The following SMCHD1 variants were observed in gnomAD, a reference collection of about 807,000 sequenced individuals.
The protein encoded by SMCHD1 is structural maintenance of chromosomes flexible hinge domain containing 1.
Under a neutral mutation model 254.7 loss-of-function variants are expected in SMCHD1, and 78 were observed. That is an observed-to-expected ratio of 0.31 (90% confidence interval 0.26 to 0.37). The LOEUF is 0.37. Among genes scored for constraint, SMCHD1 ranks in the 10% least tolerant of loss-of-function variants. The probability of loss-of-function intolerance (pLI) is 1.00; values close to 1 mark genes in which losing one functional copy is unlikely to be tolerated. For synonymous variants in SMCHD1, 766 were observed against 794.9 expected, an observed-to-expected ratio of 0.96 and a Z score of 0.61; for missense variants, 1,840 against 2,408.1, an observed-to-expected ratio of 0.76 and a Z score of 4.94.
Position 2,796,085 on chromosome 18 carries a change from C to G in SMCHD1, c.5856C>G (p.Leu1952=). 2 of 1,568,732 alleles carry G rather than the reference C, an allele frequency of 1.3e-6. No homozygotes were observed. Among genetic ancestry groups the G allele is most frequent in the Non-Finnish European group, 1.7e-6 (2 of 1,157,948 alleles). The change falls in exon 46 of 48, where the codon CTC becomes CTG. Residue 1952 remains leucine (L), a synonymous_variant. Coordinates refer to ENST00000320876, the MANE Select transcript of SMCHD1 (RefSeq NM_015295.3). The part of the protein sequence containing the change: ...KQELDEHEKN[L]KLIEEKLGMT... Reference sequence around the variant, plus strand: ...AACTTGATGAACATGAGAAAAATCTCAAACTAATAGAGGAAAAACTAGGTA... The same window carrying G: ...AACTTGATGAACATGAGAAAAATCTGAAACTAATAGAGGAAAAACTAGGTA...
intron 41 of SMCHD1, among the ~76,000 whole-genome samples, chr18:2,774,948 C>T (rs62077705): frequency 0.19 from 29,506 of 152,058 alleles, 3,098 homozygotes; most frequent in Admixed American, 0.26. Flanking sequence ...ACTGTTGGCA[C>T]ATTACCTGTC....
At position 2,718,580 on chromosome 18, in the gene SMCHD1, G is replaced by A; in HGVS notation, c.2458+146G>A. ...TTATTTTCTTACTTACTTTGAGATG[G>A]GGTCTCATTCTGTCACCCAGGCTGG... On this transcript the variant is annotated intron_variant, in intron 19 of 47. Coordinates refer to ENST00000320876, the MANE Select transcript of SMCHD1 (RefSeq NM_015295.3). This position sits in a 1 kb window ranked among gnomAD's most constrained non-coding sequence, Gnocchi z 4.6. 1.4e-6 allele frequency: 1 copy of A among 703,090 alleles called. No homozygotes were observed. Among genetic ancestry groups the A allele is most frequent in the Non-Finnish European group, 2.2e-6 (1 of 462,774 alleles). The allele number at this position is 703,090 out of a possible 1,614,324, so 43.6% of individuals were successfully genotyped here. A position where few individuals can be genotyped will look rare whatever the true frequency, so the allele number is the denominator to read the frequency against.
chr18:2,747,565 T>C lies in SMCHD1; in HGVS notation c.3845T>C (p.Ile1282Thr). ...GGAAGAGATTTACAGAACCCTATTA[T>C]TGTTCAACTTTGTGATCAGTGGGAT... is the stretch of plus-strand genomic sequence containing the variant. Reference protein sequence around the residue: ...INGRDLQNPIIVQLCDQWDNP... With the variant: ...INGRDLQNPITVQLCDQWDNP... The change falls in exon 30 of 48, where the codon ATT becomes ACT. Residue 1282 changes from isoleucine (I) to threonine (T), a missense_variant. Physicochemically the swap from Ile to Thr is moderately conservative, Grantham distance 89. Transcript: ENST00000320876. 6.2e-7 allele frequency: 1 copy of C among 1,608,584 alleles called. No homozygotes were observed. Among genetic ancestry groups the C allele is most frequent in the Non-Finnish European group, 8.5e-7 (1 of 1,175,594 alleles).
chr18:2,678,478 G>A (rs1410193618), intron 5 of SMCHD1, among the ~76,000 whole-genome samples: 6 of 151,682 alleles, frequency 4.0e-5, no homozygotes, highest in East Asian at 1.9e-4. Flanking sequence ...CACTACTCCC[G>A]GCTTATTTTT....
At chr18:2,763,991 T>C (rs1598418691) in intron 37 of SMCHD1, 2 of 479,102 alleles carry the variant, frequency 4.2e-6, no homozygotes, top group Non-Finnish European at 7.2e-6. Context: ...GTTTTTCCTA[T>C]GGGATAACAG....
intron 44 of SMCHD1, chr18:2,778,888 A>C (rs925788225): frequency 6.6e-6 from 1 of 152,262 alleles, no homozygotes; most frequent in Non-Finnish European, 1.5e-5. Context: ...TCTCCAAATA[A>C]TGTCACATTC....
intron 42 of SMCHD1, among the ~76,000 whole-genome samples, chr18:2,776,572 A>G (rs2076069764): frequency 6.6e-6 from 1 of 152,174 alleles, no homozygotes; most frequent in African/African-American, 2.4e-5. Context: ...TAAAGACAGG[A>G]AGGAAATACT....
chr18:2,796,011 A>C lies in SMCHD1; in HGVS notation c.5782A>C (p.Ser1928Arg). The change falls in exon 46 of 48, where the codon AGT becomes CGT. Residue 1928 changes from serine to arginine, a missense_variant. By Grantham distance (110) the Ser-to-Arg change is moderately radical (BLOSUM62 -1). Transcript: ENST00000320876. ...AGACAGTGTGAATAAGGATCTTAAC[A>C]GTCAATTAGAGTACCTTCGCACTCC... ...KLDSVNKDLN[S>R]QLEYLRTPDM... 1.3e-6 allele frequency: 2 copies of C among 1,596,384 alleles called. No homozygotes were observed. Among genetic ancestry groups the C allele is most frequent in the Non-Finnish European group, 8.5e-7 (1 of 1,171,034 alleles).
At chr18:2,791,150 A>T (rs1378363539) in intron 45 of SMCHD1, among the ~76,000 whole-genome samples, 1 of 152,240 alleles carries the variant, frequency 6.6e-6, no homozygotes, top group Non-Finnish European at 1.5e-5. Context: ...ATACAAGAAC[A>T]ACAAGAATAA....
chr18:2,780,830 C>A (rs1397950491), intron 44 of SMCHD1, among the ~76,000 whole-genome samples: 1 of 152,146 alleles, frequency 6.6e-6, no homozygotes, highest in Non-Finnish European at 1.5e-5. Flanking sequence ...CTGGTTCCAG[C>A]GTATCACTAG....
At chr18:2,693,473 TTG>T (rs914742475) in intron 7 of SMCHD1, among the ~76,000 whole-genome samples, 1 of 152,232 alleles carries the variant, frequency 6.6e-6, no homozygotes, top group African/African-American at 2.4e-5. Flanking sequence ...TGGTAAATAT[TTG>T]TGTAGCTAAA....
At chr18:2,720,145 T>C (rs2074894314) in intron 19 of SMCHD1, among the ~76,000 whole-genome samples, 1 of 152,166 alleles carries the variant, frequency 6.6e-6, no homozygotes, top group African/African-American at 2.4e-5. Context: ...CTTTCTAAAA[T>C]ATCTAATGTT....
intron 42 of SMCHD1, among the ~76,000 whole-genome samples, chr18:2,776,389 A>ATTT (rs71365200): frequency 7.8e-4 from 116 of 148,220 alleles, no homozygotes; most frequent in African/African-American, 2.4e-3. Context: ...GCCCAGCTAA[A>ATTT]TTTTTTTTTT....
chr18:2,748,156 T>A (rs1383807024), intron 30 of SMCHD1, among the ~76,000 whole-genome samples: 1 of 152,124 alleles, frequency 6.6e-6, no homozygotes, highest in Non-Finnish European at 1.5e-5. Flanking sequence ...TTTATTGTTC[T>A]TTTTATGGGG....
chr18:2,673,569 C>T (rs1291627368), intron 4 of SMCHD1, among the ~76,000 whole-genome samples: 2 of 150,894 alleles, frequency 1.3e-5, no homozygotes, highest in Non-Finnish European at 2.9e-5. Flanking sequence ...TTGTAATCTT[C>T]TACTTTCCCT....
chr18:2,678,967 C>T (rs2073853083), intron 5 of SMCHD1, among the ~76,000 whole-genome samples: 1 of 151,012 alleles, frequency 6.6e-6, no homozygotes, highest in African/African-American at 2.4e-5. Flanking sequence ...TTTGCCTCAG[C>T]CTCCCAAGTA....
At chr18:2,729,459 T>C in intron 24 of SMCHD1, 50 bp downstream of exon 24, 3 of 1,335,408 alleles carry the variant, frequency 2.2e-6, no homozygotes, top group Non-Finnish European at 2.9e-6. Flanking sequence ...TTCATACAAA[T>C]AGTCTTCAAC....
At chr18:2,657,248 T>C (rs2073096716) in intron 1 of SMCHD1, among the ~76,000 whole-genome samples, 2 of 152,178 alleles carry the variant, frequency 1.3e-5, no homozygotes, top group South Asian at 2.1e-4. Context: ...ATGAAAACGA[T>C]TGGAGAAGTA....
At chr18:2,757,395 G>T (rs2075702260) in intron 34 of SMCHD1, among the ~76,000 whole-genome samples, 1 of 151,386 alleles carries the variant, frequency 6.6e-6, no homozygotes, top group Non-Finnish European at 1.5e-5. Flanking sequence ...TTTTAATTTG[G>T]TAGATATCAG....
Sources: allele counts gnomAD v4.1 joint callset (sites outside exome capture counted in the v4.1 genomes callset), GRCh38; gene constraint gnomAD v4.1.1; non-coding constraint Gnocchi (gnomAD v3.1); transcripts MANE v1.5; gene names NCBI Gene and HGNC (gene_info 2026-07-23, HGNC 2026-07-21).